The following GABRG1 variants were observed in gnomAD, a reference collection of about 807,000 sequenced individuals.
GABRG1 encodes the protein gamma-aminobutyric acid receptor subunit gamma-1.
Under a neutral mutation model 49.8 loss-of-function variants are expected in GABRG1, and 49 were observed. The ratio of observed to expected loss-of-function variants is 0.98; its 90% CI spans 0.78 to 1.25. The LOEUF (loss-of-function observed/expected upper bound fraction) is 1.25. Among genes scored for constraint, GABRG1 ranks in the 50% most tolerant of loss-of-function variants. The probability of loss-of-function intolerance (pLI) is 0.00; values close to 1 mark genes in which losing one functional copy is unlikely to be tolerated. For synonymous variants in GABRG1, 232 were observed against 185.1 expected (o/e 1.25, Z -2.06); for missense variants, 552 against 552.3 (o/e 1.00, Z 0.01).
intron 1 of GABRG1, among the ~76,000 whole-genome samples, chr4:46,103,665 T>A (rs1403187254): frequency 1.3e-5 from 2 of 151,400 alleles, no homozygotes; most frequent in African/African-American, 4.8e-5. Flanking sequence ...TAAATAAATA[T>A]GTTCAGAAAT....
chr4:46,101,881 A>G (rs1274922777), intron 1 of GABRG1, among the ~76,000 whole-genome samples: 2 of 151,686 alleles, frequency 1.3e-5, no homozygotes, highest in Non-Finnish European at 3.0e-5. Context: ...ATTGTCATCT[A>G]TGTATAAAGT....
At chr4:46,070,772 C>T (rs781691661) in intron 3 of GABRG1, among the ~76,000 whole-genome samples, 1 of 151,926 alleles carries the variant, frequency 6.6e-6, no homozygotes, top group Admixed American at 6.6e-5. Context: ...AGTCTTGAAG[C>T]CAAAGGCAGT....
At chr4:46,090,356 G>A (rs1313040605) in intron 2 of GABRG1, among the ~76,000 whole-genome samples, 3 of 151,992 alleles carry the variant, frequency 2.0e-5, no homozygotes, top group Non-Finnish European at 4.4e-5. Context: ...CAAAACTCAT[G>A]GAGTAGGGCA....
At chr4:46,061,537 T>G (rs950692042) in intron 5 of GABRG1, among the ~76,000 whole-genome samples, 72 of 152,084 alleles carry the variant, frequency 4.7e-4, no homozygotes, top group African/African-American at 1.6e-3. Flanking sequence ...TTTACATATT[T>G]TTAAGATAAT....
intron 3 of GABRG1, among the ~76,000 whole-genome samples, chr4:46,075,297 A>G (rs1389928230): frequency 6.6e-6 from 1 of 152,022 alleles, no homozygotes; most frequent in African/African-American, 2.4e-5. Flanking sequence ...AGCACTTTCA[A>G]AATTCTTTTT....
intron 1 of GABRG1, among the ~76,000 whole-genome samples, chr4:46,099,669 A>G (rs1375842228): frequency 1.3e-5 from 2 of 151,664 alleles, no homozygotes; most frequent in African/African-American, 2.4e-5. Flanking sequence ...TCTTAGCAAA[A>G]TCTCTGCCAA....
At chr4:46,059,945 T>G (rs1026532773) in intron 5 of GABRG1, among the ~76,000 whole-genome samples, 2 of 152,184 alleles carry the variant, frequency 1.3e-5, no homozygotes, top group African/African-American at 4.8e-5. Flanking sequence ...TTTTACTTTC[T>G]CTTATTTTTT....
chr4:46,059,873 G>A (rs1286789724), intron 5 of GABRG1, among the ~76,000 whole-genome samples: 1 of 152,034 alleles, frequency 6.6e-6, no homozygotes, highest in African/African-American at 2.4e-5. Flanking sequence ...TAAAAAGTAT[G>A]TTTATTAGAA....
intron 2 of GABRG1, among the ~76,000 whole-genome samples, chr4:46,085,860 G>A (rs1314004822): frequency 6.6e-6 from 1 of 151,472 alleles, no homozygotes; most frequent in African/African-American, 2.4e-5. Context: ...TGCAAGATAT[G>A]AGTGATGTTC....
chr4:46,060,585 C>T (rs1577638985), intron 5 of GABRG1, among the ~76,000 whole-genome samples: 1 of 152,128 alleles, frequency 6.6e-6, no homozygotes, highest in Non-Finnish European at 1.5e-5. Context: ...TAGCACATTA[C>T]ATAAACAGAA....
chr4:46,044,617 G>A (rs551764411), intron 8 of GABRG1, among the ~76,000 whole-genome samples: 141 of 152,208 alleles, frequency 9.3e-4, no homozygotes, highest in South Asian at 5.2e-3. Flanking sequence ...ACCAAAAGAA[G>A]ACACATCTCA....
At chr4:46,104,925 T>A (rs915859635) in intron 1 of GABRG1, among the ~76,000 whole-genome samples, 1 of 151,452 alleles carries the variant, frequency 6.6e-6, no homozygotes, top group African/African-American at 2.4e-5. Flanking sequence ...AGTTTCCTCA[T>A]CAAACTTTTA....
At chr4:46,045,624 T>A (rs1298486726) in intron 8 of GABRG1, among the ~76,000 whole-genome samples, 3 of 151,918 alleles carry the variant, frequency 2.0e-5, no homozygotes, top group Non-Finnish European at 2.9e-5. Flanking sequence ...AAGTTTTATC[T>A]GCAAAGAATG....
At chr4:46,047,203 T>G (rs1390008813) in intron 8 of GABRG1, among the ~76,000 whole-genome samples, 1 of 152,062 alleles carries the variant, frequency 6.6e-6, no homozygotes, top group African/African-American at 2.4e-5. Flanking sequence ...ACCCAACCTA[T>G]CTATATGTGC....
At chr4:46,089,372 C>T (rs1382256838) in intron 2 of GABRG1, among the ~76,000 whole-genome samples, 2 of 152,088 alleles carry the variant, frequency 1.3e-5, no homozygotes, top group Admixed American at 6.6e-5. Flanking sequence ...AGTAACAAGA[C>T]TAAGGTTGCA....
intron 3 of GABRG1, among the ~76,000 whole-genome samples, chr4:46,066,904 GTGTA>G (rs1718939587): frequency 6.6e-6 from 1 of 151,474 alleles, no homozygotes; most frequent in Admixed American, 6.6e-5. Flanking sequence ...ATATATGTGT[GTGTA>G]TGTATGTTTG....
chr4:46,093,062 T>TC (rs1395090298), intron 2 of GABRG1, among the ~76,000 whole-genome samples: 1 of 104,324 alleles, frequency 9.6e-6, no homozygotes, highest in African/African-American at 3.9e-5. Flanking sequence ...ACAGCGAAAC[T>TC]CCATCTTAAA....
chr4:46,100,263 C>T (rs769018057), intron 1 of GABRG1, among the ~76,000 whole-genome samples: 2 of 151,286 alleles, frequency 1.3e-5, no homozygotes, highest in African/African-American at 4.9e-5. Context: ...TAAGTTGGAG[C>T]TAAATGATGA....
At chr4:46,082,725 C>A (rs1366687104) in intron 3 of GABRG1, among the ~76,000 whole-genome samples, 2 of 151,484 alleles carry the variant, frequency 1.3e-5, no homozygotes, top group East Asian at 3.9e-4. Flanking sequence ...CCTTCTTTAT[C>A]CTCTTTACTT....
Sources: allele counts gnomAD v4.1 joint callset (sites outside exome capture counted in the v4.1 genomes callset), GRCh38; gene constraint gnomAD v4.1.1; transcripts MANE v1.5; gene names NCBI Gene and HGNC (gene_info 2026-07-23, HGNC 2026-07-21).